HACE1: variants seen among roughly 807,000 people sequenced by gnomAD.
The protein encoded by HACE1 is E3 ubiquitin-protein ligase HACE1.
HACE1 carries 73 observed loss-of-function variants against 118.4 expected under a neutral mutation model. That is an observed-to-expected ratio of 0.62 (90% CI 0.51 to 0.75). The LOEUF (loss-of-function observed/expected upper bound fraction) is 0.75. Ranked by LOEUF, HACE1 falls within the 30% of genes least tolerant of loss-of-function variation. The pLI is 0.00. For missense variants in HACE1, 749 were observed against 1,102.2 expected (o/e 0.68, Z 4.54); for synonymous variants, 368 against 374.8 (o/e 0.98, Z 0.21).
At chr6:104,778,513 G>C (rs2114755975) in intron 14 of HACE1, among the ~76,000 whole-genome samples, 1 of 152,176 alleles carries the variant, frequency 6.6e-6, no homozygotes, top group African/African-American at 2.4e-5. Flanking sequence ...TAAGAGAAGA[G>C]GCTGGGTATG....
chr6:104,834,812 T>C (rs1774363984), intron 5 of HACE1, among the ~76,000 whole-genome samples: 1 of 152,180 alleles, frequency 6.6e-6, no homozygotes, highest in Non-Finnish European at 1.5e-5. Flanking sequence ...GTAAGTACCA[T>C]GCACCTCTTG....
intron 11 of HACE1, among the ~76,000 whole-genome samples, chr6:104,790,083 A>C (rs957172044): frequency 6.6e-6 from 1 of 152,050 alleles, no homozygotes; most frequent in African/African-American, 2.4e-5. Context: ...AAAAAAAAGA[A>C]AACAAAAATA....
intron 22 of HACE1, among the ~76,000 whole-genome samples, chr6:104,743,236 G>A (rs941044828): frequency 4.0e-5 from 6 of 150,836 alleles, no homozygotes; most frequent in Non-Finnish European, 7.4e-5. Context: ...TGGGTGCAGC[G>A]CACCAGCATG....
chr6:104,757,175 T>C (rs951748261), intron 19 of HACE1, among the ~76,000 whole-genome samples: 2 of 152,208 alleles, frequency 1.3e-5, no homozygotes, highest in Admixed American at 1.3e-4. Flanking sequence ...TTCTCCAGAC[T>C]TAAACATCCC....
At chr6:104,742,980 C>G (rs12195163) in intron 22 of HACE1, among the ~76,000 whole-genome samples, 1 of 151,850 alleles carries the variant, frequency 6.6e-6, no homozygotes, top group African/African-American at 2.4e-5. Context: ...TACTATGCAG[C>G]CATAAAAAAT....
chr6:104,857,655 A>G (rs560924689), intron 1 of HACE1, among the ~76,000 whole-genome samples: 37 of 149,432 alleles, frequency 2.5e-4, no homozygotes, highest in Non-Finnish European at 4.3e-4. Context: ...GAAGAATACA[A>G]AAAAAAAAAA....
intron 14 of HACE1, among the ~76,000 whole-genome samples, chr6:104,782,919 T>A (rs1262891661): frequency 2.0e-5 from 3 of 152,196 alleles, no homozygotes; most frequent in Non-Finnish European, 4.4e-5. Context: ...ATCTGGCAAA[T>A]TATTTTCTAA....
At chr6:104,807,331 A>T (rs1236092351) in intron 7 of HACE1, among the ~76,000 whole-genome samples, 1 of 152,032 alleles carries the variant, frequency 6.6e-6, no homozygotes, top group Non-Finnish European at 1.5e-5. Flanking sequence ...CAAGTCTAAG[A>T]ACTCTTTTAT....
intron 19 of HACE1, among the ~76,000 whole-genome samples, chr6:104,761,798 A>C (rs1245512768): frequency 6.6e-6 from 1 of 152,250 alleles, no homozygotes; most frequent in Non-Finnish European, 1.5e-5. Flanking sequence ...CAATCTATCC[A>C]TCTGACAAAG....
chr6:104,747,961 A>T (rs927467324), intron 20 of HACE1, among the ~76,000 whole-genome samples: 2 of 152,150 alleles, frequency 1.3e-5, no homozygotes, highest in Non-Finnish European at 2.9e-5. Flanking sequence ...AAAACTTACC[A>T]GTAACAGACC....
intron 19 of HACE1, among the ~76,000 whole-genome samples, chr6:104,770,551 T>G (rs1481022870): frequency 6.6e-6 from 1 of 151,988 alleles, no homozygotes; most frequent in Admixed American, 6.6e-5. Flanking sequence ...AAACCCCGTC[T>G]CTACTAAAAA....
intron 6 of HACE1, among the ~76,000 whole-genome samples, chr6:104,819,521 C>T (rs1162622138): frequency 6.6e-6 from 1 of 152,108 alleles, no homozygotes; most frequent in East Asian, 1.9e-4. Flanking sequence ...ATGTTCTTCA[C>T]AGAACTAGAG....
intron 17 of HACE1, among the ~76,000 whole-genome samples, chr6:104,775,758 T>G (rs533737972): frequency 6.6e-6 from 1 of 152,332 alleles, no homozygotes; most frequent in East Asian, 1.9e-4. Context: ...CAGGGATGAA[T>G]GCCTGCAGCT....
intron 1 of HACE1, 61 bp downstream of exon 1, chr6:104,859,506 G>C (rs987564719): frequency 3.3e-6 from 4 of 1,225,044 alleles, no homozygotes; most frequent in Non-Finnish European, 4.4e-6. Context: ...CGCGGCCGGA[G>C]CTCCTGCCCC....
At chr6:104,804,658 T>G (rs1015086302) in intron 7 of HACE1, among the ~76,000 whole-genome samples, 2 of 152,166 alleles carry the variant, frequency 1.3e-5, no homozygotes, top group Non-Finnish European at 2.9e-5. Context: ...TAGCCATATG[T>G]AGAAAGCTGA....
At chr6:104,774,080 C>CTCTTTTTTTTTTTTTTT (rs1780927579) in intron 17 of HACE1, among the ~76,000 whole-genome samples, 2 of 74,844 alleles carry the variant, frequency 2.7e-5, no homozygotes, top group African/African-American at 1.6e-4. Context: ...CATCTTTTCT[C>CTCTTTTTTTTTTTTTTT]TTTTTTTTTT....
intron 11 of HACE1, among the ~76,000 whole-genome samples, chr6:104,790,653 T>G (rs775488985): frequency 1.3e-5 from 2 of 151,562 alleles, no homozygotes; most frequent in Non-Finnish European, 2.9e-5. Context: ...ACTGGGGAGG[T>G]TGAGGTGGGA....
intron 19 of HACE1, among the ~76,000 whole-genome samples, chr6:104,751,808 A>C (rs1402132892): frequency 6.6e-6 from 1 of 151,998 alleles, no homozygotes; most frequent in Non-Finnish European, 1.5e-5. Context: ...TAAAAACAAT[A>C]TGCTATAGCA....
At chr6:104,780,801 C>T (rs1781652558) in intron 14 of HACE1, among the ~76,000 whole-genome samples, 1 of 152,170 alleles carries the variant, frequency 6.6e-6, no homozygotes, top group African/African-American at 2.4e-5. Flanking sequence ...GATTCATGAA[C>T]TGCCTTTAAT....
Sources: gnomAD v4.1 joint callset for allele counts (sites outside exome capture counted in the v4.1 genomes callset) on GRCh38, gnomAD v4.1.1 for gene constraint, MANE v1.5 for transcripts, NCBI Gene and HGNC (gene_info 2026-07-23, HGNC 2026-07-21) for gene names.